The following LOC400499 variants were observed in gnomAD, a reference collection of about 807,000 sequenced individuals.
the LOC400499 span, among the ~76,000 whole-genome samples, chr16:11,513,145 T>TGTAATCCC: frequency 6.6e-6 from 1 of 152,180 alleles, no homozygotes; most frequent in Admixed American, 6.5e-5. Context: ...CCTGTAATCC[T>TGTAATCCC]GTAATCCCAG....
the LOC400499 span, among the ~76,000 whole-genome samples, chr16:11,459,418 G>A: frequency 2.0e-5 from 3 of 151,866 alleles, no homozygotes; most frequent in Non-Finnish European, 2.9e-5. Context: ...GGATGGTCTC[G>A]ATCTCCTGAT....
At chr16:11,447,012 G>T in the LOC400499 span, 1 of 1,339,660 alleles carries the variant, frequency 7.5e-7, no homozygotes, top group Non-Finnish European at 1.0e-6. Flanking sequence ...TCACGAGCTT[G>T]CAGAGTTAAG....
the LOC400499 span, among the ~76,000 whole-genome samples, chr16:11,409,195 AG>A: frequency 2.0e-5 from 3 of 152,100 alleles, no homozygotes; most frequent in Non-Finnish European, 4.4e-5. Flanking sequence ...CAGGTGGCGG[AG>A]GTTGCGGTGA....
chr16:11,517,771 G>A, the LOC400499 span, among the ~76,000 whole-genome samples: 10 of 152,188 alleles, frequency 6.6e-5, no homozygotes, highest in Admixed American at 6.5e-4. Context: ...TATCTGCAGA[G>A]TGAAGGGACG....
the LOC400499 span, among the ~76,000 whole-genome samples, chr16:11,430,383 G>C: frequency 6.6e-6 from 1 of 152,048 alleles, no homozygotes; most frequent in Non-Finnish European, 1.5e-5. Flanking sequence ...CAAGCTACTC[G>C]GGAGGCTGAG....
the LOC400499 span, among the ~76,000 whole-genome samples, chr16:11,510,522 G>T: frequency 6.6e-6 from 1 of 151,686 alleles, no homozygotes; most frequent in Admixed American, 6.6e-5. Context: ...TGGCTGTCAT[G>T]CAGCTGTTTA....
chr16:11,480,905 G>C, the LOC400499 span, among the ~76,000 whole-genome samples: 8 of 152,170 alleles, frequency 5.3e-5, no homozygotes, highest in Non-Finnish European at 1.0e-4. Flanking sequence ...ACAAAAAGAA[G>C]TACAGGAGCA....
the LOC400499 span, among the ~76,000 whole-genome samples, chr16:11,461,313 A>G: frequency 6.6e-6 from 1 of 152,180 alleles, no homozygotes; most frequent in Non-Finnish European, 1.5e-5. Context: ...TTGACCTCCC[A>G]GGCTCAATCG....
chr16:11,486,440 ATG>A, the LOC400499 span, among the ~76,000 whole-genome samples: 1 of 104,796 alleles, frequency 9.5e-6, no homozygotes, highest in African/African-American at 4.4e-5. Flanking sequence ...GGATGGATGG[ATG>A]GATGAATGGT....
At chr16:11,379,116 G>A in the LOC400499 span, among the ~76,000 whole-genome samples, 2 of 152,176 alleles carry the variant, frequency 1.3e-5, no homozygotes, top group Non-Finnish European at 1.5e-5. Context: ...ATAGCTGGTC[G>A]TGGTGGCATA....
At chr16:11,498,055 G>A in the LOC400499 span, among the ~76,000 whole-genome samples, 1 of 152,158 alleles carries the variant, frequency 6.6e-6, no homozygotes, top group Non-Finnish European at 1.5e-5. Context: ...AACCCTCCCT[G>A]AAAAGCTAAG....
the LOC400499 span, chr16:11,521,961 C>A: frequency 2.5e-6 from 1 of 399,254 alleles, no homozygotes; most frequent in Non-Finnish European, 4.4e-6. Context: ...CCCATAAAGC[C>A]ATCTGGCACA....
the LOC400499 span, chr16:11,494,907 C>G: frequency 2.5e-6 from 1 of 397,156 alleles, no homozygotes; most frequent in Non-Finnish European, 4.4e-6. Flanking sequence ...TTTCAGGGAA[C>G]ATTTTAAAAG....
chr16:11,473,753 C>G, the LOC400499 span, among the ~76,000 whole-genome samples: 5 of 102,530 alleles, frequency 4.9e-5, no homozygotes, highest in Non-Finnish European at 9.7e-5. Flanking sequence ...GAAACTCTGT[C>G]TCAAAAAAAA....
chr16:11,383,829 C>A, the LOC400499 span: 1 of 1,232,250 alleles, frequency 8.1e-7, no homozygotes, highest in African/African-American at 1.5e-5. Flanking sequence ...TGAGGAGGGA[C>A]CTAAGCTTGA....
At chr16:11,426,307 A>T in the LOC400499 span, among the ~76,000 whole-genome samples, 27 of 152,120 alleles carry the variant, frequency 1.8e-4, no homozygotes, top group African/African-American at 6.5e-4. Context: ...GTGGTGGCGC[A>T]TGCCTGTCAT....
the LOC400499 span, among the ~76,000 whole-genome samples, chr16:11,402,805 G>A: frequency 1.3e-5 from 2 of 152,246 alleles, no homozygotes; most frequent in South Asian, 2.1e-4. Context: ...ATGCCGCTGA[G>A]TTTCGGAATA....
chr16:11,469,802 G>C, the LOC400499 span: 83 of 396,414 alleles, frequency 2.1e-4, no homozygotes, highest in African/African-American at 1.5e-3. Context: ...AAGCTCTGCA[G>C]AACAGCCCAG....
At chr16:11,445,399 C>CGACA in the LOC400499 span, among the ~76,000 whole-genome samples, 2 of 150,648 alleles carry the variant, frequency 1.3e-5, no homozygotes, top group South Asian at 4.2e-4. Context: ...CCGGCTTGAG[C>CGACA]GACAGAGTGA....
Sources: allele counts gnomAD v4.1 joint callset (sites outside exome capture counted in the v4.1 genomes callset), GRCh38; gene constraint gnomAD v4.1.1; transcripts MANE v1.5.